The following MYO9A variants were observed in gnomAD, a reference collection of about 807,000 sequenced individuals.
MYO9A encodes unconventional myosin-IXa.
A neutral mutation model predicts 293.3 loss-of-function variants in MYO9A; 103 were observed. The ratio of observed to expected loss-of-function variants is 0.35; its 90% CI spans 0.30 to 0.41. The LOEUF is 0.41. Among genes scored for constraint, MYO9A ranks in the 10% least tolerant of loss-of-function variants. The pLI is 1.00. For synonymous variants in MYO9A, 1,001 were observed against 1,035.7 expected (o/e 0.97, Z 0.64); for missense variants, 2,685 against 3,033.0 (o/e 0.89, Z 2.69).
chr15:71,928,092 G>A (rs2957732), intron 18 of MYO9A, among the ~76,000 whole-genome samples: 39,618 of 40,460 alleles, frequency 0.98, 19,405 homozygotes, highest in Middle Eastern at 1. Context: ...TTTTTTTGAG[G>A]CGGAGTCTCG....
chr15:71,951,920 CAAAA>C, intron 14 of MYO9A, 24 bp from the exon 15 acceptor site: 1 of 1,308,350 alleles, frequency 7.6e-7, no homozygotes, highest in South Asian at 1.5e-5. Context: ...AAAAAACAAA[CAAAA>C]AAAAAAGGAG....
intron 12 of MYO9A, among the ~76,000 whole-genome samples, chr15:71,968,412 G>T (rs925316945): frequency 1.3e-5 from 2 of 152,132 alleles, no homozygotes; most frequent in Admixed American, 6.5e-5. Flanking sequence ...ATTTAGCTTA[G>T]ATTGCAGTGT....
chr15:72,091,446 A>T (rs2079906531), intron 1 of MYO9A, among the ~76,000 whole-genome samples: 1 of 152,156 alleles, frequency 6.6e-6, no homozygotes, highest in Non-Finnish European at 1.5e-5. Context: ...AAACAGTAGA[A>T]ATCCTTAAGA....
intron 1 of MYO9A, among the ~76,000 whole-genome samples, chr15:72,101,149 C>G (rs1031241718): frequency 1.4e-5 from 2 of 143,022 alleles, no homozygotes; most frequent in South Asian, 2.2e-4. Context: ...CCAGCCGCCC[C>G]GTCTGGGAGG....
At chr15:71,943,500 G>C (rs2058831462) in intron 15 of MYO9A, among the ~76,000 whole-genome samples, 2 of 151,912 alleles carry the variant, frequency 1.3e-5, no homozygotes, top group African/African-American at 4.8e-5. Context: ...CTTGTAACTT[G>C]TATCAGGCTT....
At chr15:71,974,963 T>C (rs1246180053) in intron 12 of MYO9A, among the ~76,000 whole-genome samples, 1 of 152,156 alleles carries the variant, frequency 6.6e-6, no homozygotes, top group Admixed American at 6.5e-5. Context: ...GGTTATTCAT[T>C]GAGGGAAATC....
At chr15:72,015,283 G>A (rs2077298322) in intron 6 of MYO9A, among the ~76,000 whole-genome samples, 1 of 152,164 alleles carries the variant, frequency 6.6e-6, no homozygotes, top group African/African-American at 2.4e-5. Flanking sequence ...CTTACAAACT[G>A]ACAGATGGGT....
intron 34 of MYO9A, among the ~76,000 whole-genome samples, chr15:71,857,971 G>A (rs1420144015): frequency 3.9e-5 from 6 of 152,418 alleles, no homozygotes; most frequent in African/African-American, 1.4e-4. Flanking sequence ...CTTCTCAAAA[G>A]AAGACATTTA....
chr15:72,012,872 G>A (rs143940921), intron 6 of MYO9A, among the ~76,000 whole-genome samples: 1 of 152,174 alleles, frequency 6.6e-6, no homozygotes, highest in African/African-American at 2.4e-5. Flanking sequence ...TACACTGAAA[G>A]AGGCACTAAA....
intron 28 of MYO9A, among the ~76,000 whole-genome samples, chr15:71,883,058 C>A (rs1043106477): frequency 2.0e-5 from 3 of 152,148 alleles, no homozygotes; most frequent in African/African-American, 7.2e-5. Flanking sequence ...CCCACCTCAG[C>A]CTCCCAAAGC....
At chr15:71,998,804 C>G (rs571192226) in intron 9 of MYO9A, among the ~76,000 whole-genome samples, 1 of 152,118 alleles carries the variant, frequency 6.6e-6, no homozygotes, top group South Asian at 2.1e-4. Context: ...GTTCAATTCC[C>G]ATCTATGAGT....
At chr15:71,851,200 A>C in intron 37 of MYO9A, 53 bp downstream of exon 37, 1 of 1,365,564 alleles carries the variant, frequency 7.3e-7, no homozygotes, top group Non-Finnish European at 1.0e-6. Context: ...TTATCTATTT[A>C]AAATAATCCA....
At chr15:71,859,299 G>T (rs1278717977) in intron 34 of MYO9A, among the ~76,000 whole-genome samples, 1 of 152,166 alleles carries the variant, frequency 6.6e-6, no homozygotes, top group African/African-American at 2.4e-5. Flanking sequence ...GTATATTTTA[G>T]ATCTCTGTGT....
rs918405781 is a variant in MYO9A at position 72,004,255 on chromosome 15, T to C, written c.1380+3571A>G. Among the ~76,000 whole-genome samples, 25 of 152,356 alleles carry C rather than the reference T, an allele frequency of 1.6e-4. 1 individual carries two copies. The highest frequency in any genetic ancestry group is 3.4e-3 in the Middle Eastern group (1 of 294). On this transcript the variant is annotated intron_variant, in intron 8 of 41. Transcript: ENST00000356056. ...TATTTACCTAATTAAAAATCTGATA[T>C]GTAATTAAAAATCTATTCTTGGCCG...
At chr15:72,103,470 G>A (rs2150974124) in intron 1 of MYO9A, among the ~76,000 whole-genome samples, 1 of 151,460 alleles carries the variant, frequency 6.6e-6, no homozygotes, top group East Asian at 2.0e-4. Flanking sequence ...AGAAGCAGCA[G>A]CAGAAGCAGA....
intron 27 of MYO9A, among the ~76,000 whole-genome samples, chr15:71,884,893 C>A (rs1238417153): frequency 6.6e-6 from 1 of 151,378 alleles, no homozygotes; most frequent in Admixed American, 6.6e-5. Context: ...GCTTACAGGC[C>A]TGATGGAGAT....
chr15:72,011,540 T>C (rs901346772), intron 6 of MYO9A, among the ~76,000 whole-genome samples: 3 of 151,910 alleles, frequency 2.0e-5, no homozygotes, highest in Non-Finnish European at 4.4e-5. Context: ...GGTAGGAGGA[T>C]TGCTTGAGCT....
Position 72,046,356 on chromosome 15 carries a change from C to A in MYO9A, c.208G>T (p.Gly70Cys). The stretch of plus-strand genomic sequence containing the variant: ...GGATTGAGAATCCATTCTTCTCCAC[C>A]AAATTCCTTTACCTCTGCTAGAACA... ...CYVLAEVKEF[G>C]GEEWILNPTD... is the part of the protein sequence containing the mutation. Residue 70 changes from glycine (G) to cysteine (C), a missense_variant, in exon 2 of 42, where the codon GGT becomes TGT. Gly to Cys is a radical substitution (Grantham distance 159). Coordinates refer to ENST00000356056, the MANE Select transcript of MYO9A (RefSeq NM_006901.4). 6.2e-7 allele frequency: 1 copy of A among 1,613,882 alleles called. No individual in the cohort carries two copies. The highest frequency in any genetic ancestry group is 1.1e-5 in the South Asian group (1 of 91,076).
chr15:71,916,046 T>C (rs563183110), intron 19 of MYO9A, among the ~76,000 whole-genome samples: 2 of 152,100 alleles, frequency 1.3e-5, no homozygotes, highest in South Asian at 4.1e-4. Flanking sequence ...AAAAAACATA[T>C]ATCATTATGC....
Sources: allele counts gnomAD v4.1 joint callset (sites outside exome capture counted in the v4.1 genomes callset), GRCh38; gene constraint gnomAD v4.1.1; transcripts MANE v1.5; gene names NCBI Gene and HGNC (gene_info 2026-07-23, HGNC 2026-07-21).